Variants in AK4 observed in about 807,000 individuals in gnomAD.
AK4 encodes adenylate kinase 4.
AK4 carries 13 observed loss-of-function variants against 24.6 expected under a neutral mutation model. The ratio of observed to expected loss-of-function variants is 0.53; its 90% confidence interval spans 0.34 to 0.84. The LOEUF is 0.84. AK4 is among the 40% of genes least tolerant of loss of function. The pLI is 0.01. For missense variants in AK4, 192 were observed against 288.2 expected (o/e 0.67, Z 2.42); for synonymous variants, 88 against 107.0 (o/e 0.82, Z 1.10).
chr1:65,172,490 A>G (rs971942107), intron 1 of AK4, among the ~76,000 whole-genome samples: 1 of 152,128 alleles, frequency 6.6e-6, no homozygotes, highest in African/African-American at 2.4e-5. Flanking sequence ...TGGAGCATTC[A>G]ATTTCATGAA....
intron 1 of AK4, among the ~76,000 whole-genome samples, chr1:65,164,293 A>G (rs1484861849): frequency 6.6e-6 from 1 of 152,152 alleles, no homozygotes; most frequent in Non-Finnish European, 1.5e-5. Context: ...GGAGTCGGTT[A>G]GGTCTGATTT....
intron 2 of AK4, among the ~76,000 whole-genome samples, chr1:65,207,552 G>GTTT (rs398053072): frequency 7.3e-6 from 1 of 137,886 alleles, no homozygotes; most frequent in Non-Finnish European, 1.6e-5. Flanking sequence ...CACAGCTGCT[G>GTTT]TTTTTTTTTT....
In AK4 at chr1:65,190,752, T is replaced by A. The variant is rs1651278729; in HGVS notation, c.188T>A (p.Leu63Ter). 1.2e-6 allele frequency: 2 copies of A among 1,613,996 alleles called. No homozygotes were observed. Among genetic ancestry groups the A allele is most frequent in the Non-Finnish European group, 1.7e-6 (2 of 1,180,014 alleles). Residue 63 changes from leucine (L) to a stop codon, truncating the protein, a stop_gained, in exon 2 of 5, where the codon TTG becomes TAG. Transcript: ENST00000327299. LOFTEE classifies it high-confidence loss of function. ...MAKQYIEKSL[L>*]VPDHVITRLM... is the part of the protein sequence containing the mutation. ...AAGCAGTATATAGAGAAAAGTCTTTTGGTTCCAGACCATGTGATCACACGC... is the reference window on the plus strand; with the variant it reads ...AAGCAGTATATAGAGAAAAGTCTTTAGGTTCCAGACCATGTGATCACACGC...
chr1:65,212,241 C>T (rs748353412), intron 2 of AK4, among the ~76,000 whole-genome samples: 2 of 152,006 alleles, frequency 1.3e-5, no homozygotes, highest in South Asian at 4.1e-4. Context: ...AAGGATGCCA[C>T]CATGATGCCC....
At chr1:65,187,830 G>A (rs977270726) in intron 1 of AK4, among the ~76,000 whole-genome samples, 1 of 152,174 alleles carries the variant, frequency 6.6e-6, no homozygotes, top group African/African-American at 2.4e-5. Flanking sequence ...CTGTTATGGA[G>A]TATGTAGCCA....
chr1:65,224,211 A>G (rs549255905), intron 3 of AK4, among the ~76,000 whole-genome samples: 1 of 152,236 alleles, frequency 6.6e-6, no homozygotes, highest in Non-Finnish European at 1.5e-5. Flanking sequence ...AGTGTATGTC[A>G]TTATTTGATC....
At chr1:65,218,273 C>G (rs1344161305) in intron 2 of AK4, among the ~76,000 whole-genome samples, 2 of 150,862 alleles carry the variant, frequency 1.3e-5, no homozygotes, top group Non-Finnish European at 2.9e-5. Flanking sequence ...AAAATGCTTT[C>G]CCTTCACTTT....
intron 1 of AK4, among the ~76,000 whole-genome samples, chr1:65,162,328 G>A (rs1456583530): frequency 4.6e-5 from 7 of 152,122 alleles, no homozygotes; most frequent in African/African-American, 1.7e-4. Flanking sequence ...GAGAGGATGC[G>A]GGAGGAGGCT....
intron 1 of AK4, among the ~76,000 whole-genome samples, chr1:65,180,024 C>T (rs1032970178): frequency 1.4e-4 from 21 of 152,248 alleles, no homozygotes; most frequent in African/African-American, 2.2e-4. Flanking sequence ...GGTGAGGAAA[C>T]GGAGGCACAA....
At chr1:65,196,805 G>A (rs536647971) in intron 2 of AK4, among the ~76,000 whole-genome samples, 22 of 152,214 alleles carry the variant, frequency 1.4e-4, no homozygotes, top group Non-Finnish European at 2.9e-4. Context: ...ATATTAGACC[G>A]TTTTCACACT....
At chr1:65,170,947 CTTCT>C (rs1197679462) in intron 1 of AK4, among the ~76,000 whole-genome samples, 3 of 139,908 alleles carry the variant, frequency 2.1e-5, no homozygotes, top group African/African-American at 8.2e-5. Context: ...TTTGTCTTGT[CTTCT>C]TCCTTTTTTT....
chr1:65,163,011 C>A lies in AK4; in HGVS notation c.145+14459C>A, dbSNP rs374321654. On this transcript the variant is annotated intron_variant, in intron 1 of 4. Transcript: ENST00000327299. ...AATAATTTATTGAATGGGTATACCA[C>A]ATTTTGTTTACCCATTCATTCCTTA... Among the ~76,000 whole-genome samples, 42 of 152,268 alleles carry A rather than the reference C, an allele frequency of 2.8e-4. 1 individual carries two copies. The highest frequency in any genetic ancestry group is 1.0e-3 in the African/African-American group (42 of 41,536).
At chr1:65,186,703 C>T (rs1285351643) in intron 1 of AK4, among the ~76,000 whole-genome samples, 1 of 152,168 alleles carries the variant, frequency 6.6e-6, no homozygotes, top group Non-Finnish European at 1.5e-5. Context: ...AAGAATGGGG[C>T]TCTGGGCCTG....
intron 1 of AK4, among the ~76,000 whole-genome samples, chr1:65,185,643 A>G (rs1193371474): frequency 4.0e-5 from 4 of 99,174 alleles, no homozygotes; most frequent in African/African-American, 4.9e-5. Flanking sequence ...TTTTTTTTTG[A>G]GATGGAGTCT....
intron 4 of AK4, 53 bp downstream of exon 4, chr1:65,224,923 G>A: frequency 6.9e-7 from 1 of 1,448,700 alleles, no homozygotes; most frequent in Non-Finnish European, 9.7e-7. Flanking sequence ...AAGGTGTGGA[G>A]CCTGCTGGGA....
intron 2 of AK4, among the ~76,000 whole-genome samples, chr1:65,207,144 A>G (rs1319212477): frequency 2.0e-5 from 3 of 152,198 alleles, no homozygotes; most frequent in Non-Finnish European, 4.4e-5. Flanking sequence ...TCAGTGGATC[A>G]CCAAGTAGTG....
chr1:65,227,199 A>G lies in AK4; in HGVS notation c.*1022A>G, dbSNP rs901296896. The stretch of plus-strand genomic sequence containing the variant: ...ATAGTTAAGGTTTCTATTCGGGACA[A>G]TAAAATGTATTTTGAAAGTGCTGCT... On this transcript the variant is annotated 3_prime_UTR_variant, in exon 5 of 5. Coordinates refer to ENST00000327299, the MANE Select transcript of AK4 (RefSeq NM_013410.4). The G allele has an allele frequency of 1.6e-5, 2 of 128,580 alleles. No individual in the cohort carries two copies. Among genetic ancestry groups the G allele is most frequent in the African/African-American group, 6.1e-5 (2 of 32,864 alleles). 8.0% of individuals were successfully genotyped at this position (128,580 alleles called of 1,614,324 possible).
chr1:65,207,165 A>G (rs928174172), intron 2 of AK4, among the ~76,000 whole-genome samples: 16 of 152,162 alleles, frequency 1.1e-4, no homozygotes, highest in Admixed American at 5.2e-4. Context: ...ATTGTAGCAT[A>G]TCTAGGTTTT....
At chr1:65,185,823 C>G (rs1460280593) in intron 1 of AK4, among the ~76,000 whole-genome samples, 1 of 152,056 alleles carries the variant, frequency 6.6e-6, no homozygotes, top group Admixed American at 6.6e-5. Context: ...CCATGTTGGT[C>G]AGGCTGGTCT....
Sources: gnomAD v4.1 joint callset for allele counts (sites outside exome capture counted in the v4.1 genomes callset) on GRCh38, gnomAD v4.1.1 for gene constraint, MANE v1.5 for transcripts, NCBI Gene and HGNC (gene_info 2026-07-23, HGNC 2026-07-21) for gene names.